Variants in STXBP5L observed in about 807,000 individuals in gnomAD.
The protein encoded by STXBP5L is syntaxin-binding protein 5-like.
Under a neutral mutation model 144.5 loss-of-function variants are expected in STXBP5L, and 65 were observed. That is an observed-to-expected ratio of 0.45 (90% CI 0.37 to 0.55). The LOEUF is 0.55. Among genes scored for constraint, STXBP5L ranks in the 20% least tolerant of loss-of-function variants. STXBP5L has a pLI of 0.00. For synonymous variants in STXBP5L, 505 were observed against 469.6 expected (o/e 1.08, Z -0.97); for missense variants, 1,298 against 1,405.5 (o/e 0.92, Z 1.22).
chr3:121,108,140 C>T (rs1464885964), intron 5 of STXBP5L, among the ~76,000 whole-genome samples: 2 of 152,078 alleles, frequency 1.3e-5, no homozygotes, highest in Admixed American at 6.6e-5. Flanking sequence ...TCTATATGTA[C>T]GATTATGTTA....
intron 10 of STXBP5L, among the ~76,000 whole-genome samples, chr3:121,207,399 T>C (rs1372999183): frequency 1.3e-5 from 2 of 152,182 alleles, no homozygotes; most frequent in Non-Finnish European, 2.9e-5. Flanking sequence ...ACCTAGGCGA[T>C]ACCATGTAGG....
At chr3:121,137,547 C>T (rs1559787613) in intron 7 of STXBP5L, among the ~76,000 whole-genome samples, 1 of 152,088 alleles carries the variant, frequency 6.6e-6, no homozygotes, top group Non-Finnish European at 1.5e-5. Context: ...AAATACTCAA[C>T]CAAATTCAAC....
At chr3:121,008,200 T>C (rs2108109151) in intron 3 of STXBP5L, among the ~76,000 whole-genome samples, 1 of 152,082 alleles carries the variant, frequency 6.6e-6, no homozygotes, top group East Asian at 1.9e-4. Flanking sequence ...ATAATAAGCT[T>C]CTCCTGGACC....
rs948696222 is a variant in STXBP5L, at chr3:121,419,403, T to C, written c.*306T>C. 4.2e-6 allele frequency: 1 copy of C among 239,260 alleles called. No individual in the cohort carries two copies. The highest frequency in any genetic ancestry group is 7.9e-6 in the Non-Finnish European group (1 of 126,034). The allele number at this position is 239,260 out of a possible 1,614,324, so 14.8% of individuals were successfully genotyped here. A position where few individuals can be genotyped will look rare whatever the true frequency, so the allele number is the denominator to read the frequency against. ...ACGGGGAGTCCTCTTGATTTGAAAA[T>C]TCCTGTACAAACAAAAGCATTAATG... On this transcript the variant is annotated 3_prime_UTR_variant, in exon 27 of 27. Transcript: ENST00000471454.
At chr3:121,260,487 A>G (rs2050348532) in intron 18 of STXBP5L, among the ~76,000 whole-genome samples, 1 of 152,072 alleles carries the variant, frequency 6.6e-6, no homozygotes, top group South Asian at 2.1e-4. Flanking sequence ...CAAGATAATA[A>G]TAAAAATTAA....
chr3:121,152,300 T>C (rs1023968158), intron 7 of STXBP5L, among the ~76,000 whole-genome samples, 177 bp from the exon 8 acceptor site: 5 of 152,118 alleles, frequency 3.3e-5, no homozygotes, highest in African/African-American at 1.2e-4. Flanking sequence ...AGTGTTCATA[T>C]TGAAGCAGAG....
chr3:121,274,821 A>C (rs1478253919), intron 18 of STXBP5L, among the ~76,000 whole-genome samples: 4 of 152,186 alleles, frequency 2.6e-5, no homozygotes, highest in African/African-American at 9.6e-5. Flanking sequence ...AGCATGGAAC[A>C]TAGCAGTAAC....
chr3:120,941,137 A>T (rs1229085831), intron 2 of STXBP5L, among the ~76,000 whole-genome samples: 1 of 151,810 alleles, frequency 6.6e-6, no homozygotes, highest in Non-Finnish European at 1.5e-5. Context: ...AACAGTGTGA[A>T]TTACAGAATA....
intron 9 of STXBP5L, among the ~76,000 whole-genome samples, chr3:121,182,908 T>G (rs777504891): frequency 1.3e-5 from 2 of 152,168 alleles, no homozygotes; most frequent in Non-Finnish European, 2.9e-5. Flanking sequence ...GCAAAAATCC[T>G]TAACAAAATA....
intron 20 of STXBP5L, among the ~76,000 whole-genome samples, chr3:121,355,601 G>A (rs989006852): frequency 1.3e-5 from 2 of 151,964 alleles, no homozygotes; most frequent in African/African-American, 4.8e-5. Flanking sequence ...CTTTTTTCAA[G>A]GTTTTTAGCT....
chr3:121,203,981 G>T (rs9883937), intron 9 of STXBP5L, among the ~76,000 whole-genome samples: 15,100 of 152,154 alleles, frequency 0.099, 1,181 homozygotes, highest in Admixed American at 0.2. Context: ...GCTCATGCCT[G>T]TAATCCCAGC....
chr3:121,133,624 A>G (rs756281701), intron 7 of STXBP5L, among the ~76,000 whole-genome samples: 2 of 152,214 alleles, frequency 1.3e-5, no homozygotes, highest in Non-Finnish European at 2.9e-5. Context: ...CTCGCAAGAA[A>G]TGCTAAAGAG....
intron 7 of STXBP5L, 108 bp from the exon 8 acceptor site, chr3:121,152,369 A>G (rs746633190): frequency 1.0e-5 from 8 of 797,476 alleles, no homozygotes; most frequent in Non-Finnish European, 1.6e-5. Flanking sequence ...TTTATTCTAA[A>G]TAAGGATGTT....
chr3:121,415,556 T>A lies in STXBP5L; in HGVS notation c.3115-301T>A, dbSNP rs796423664. ...GACTGAAAAAGGATCAGAAGTCTAGTGGTAATTATTGAGCACAGATGGAAA... is the reference window on the plus strand; with the variant it reads ...GACTGAAAAAGGATCAGAAGTCTAGAGGTAATTATTGAGCACAGATGGAAA... On this transcript the variant is annotated intron_variant, in intron 24 of 26. Transcript: ENST00000471454. Among the ~76,000 whole-genome samples, 5 of 152,106 alleles carry A rather than the reference T, an allele frequency of 3.3e-5. No homozygotes were observed. The South Asian group carries it at 1.0e-3, about 32-fold the overall frequency.
At chr3:121,379,741 T>G (rs2046280931) in intron 21 of STXBP5L, among the ~76,000 whole-genome samples, 1 of 152,192 alleles carries the variant, frequency 6.6e-6, no homozygotes, top group African/African-American at 2.4e-5. Context: ...TGTATGGTGA[T>G]GAACCATGAA....
chr3:121,275,806 G>A (rs187885203), intron 18 of STXBP5L, among the ~76,000 whole-genome samples: 48 of 152,028 alleles, frequency 3.2e-4, no homozygotes, highest in Admixed American at 1.6e-3. Context: ...TCCTTTTTCT[G>A]AAATAGACTT....
chr3:121,223,107 A>T lies in STXBP5L; in HGVS notation c.1061A>T (p.Asp354Val), dbSNP rs2049023214. 4 of 1,612,278 alleles carry T rather than the reference A, an allele frequency of 2.5e-6. No individual in the cohort carries two copies. Among genetic ancestry groups the T allele is most frequent in the South Asian group, 2.2e-5 (2 of 90,796 alleles). ...HGKAITVLEMDHPIVEFLTLC... is the reference protein window; with the variant it reads ...HGKAITVLEMVHPIVEFLTLC... ...AAAGCAATTACAGTACTTGAAATGG[A>T]TCATCCTATTGTTGAATTTCTAACT... The change falls in exon 11 of 27, where the codon GAT becomes GTT. Residue 354 changes from aspartate to valine, a missense_variant. By Grantham distance (152) the Asp-to-Val change is radical. Transcript: ENST00000471454.
chr3:121,219,677 G>T (rs2048914634), intron 10 of STXBP5L, among the ~76,000 whole-genome samples: 1 of 152,036 alleles, frequency 6.6e-6, no homozygotes, highest in Non-Finnish European at 1.5e-5. Flanking sequence ...ATTATTTTCT[G>T]CTAATCTTTT....
chr3:121,044,152 A>T (rs1947348972), intron 4 of STXBP5L, among the ~76,000 whole-genome samples: 1 of 152,204 alleles, frequency 6.6e-6, no homozygotes, highest in South Asian at 2.1e-4. Flanking sequence ...ATATCAATAT[A>T]TACATCTTTG....
Sources: allele counts gnomAD v4.1 joint callset (sites outside exome capture counted in the v4.1 genomes callset), GRCh38; gene constraint gnomAD v4.1.1; transcripts MANE v1.5; gene names NCBI Gene and HGNC (gene_info 2026-07-23, HGNC 2026-07-21).